Variants in UBE2K observed in about 807,000 individuals in gnomAD.
The protein encoded by UBE2K is ubiquitin conjugating enzyme E2 K.
UBE2K carries 6 observed loss-of-function variants against 30.0 expected under a neutral mutation model. The observed-to-expected ratio is 0.20, with a 90% CI of 0.11 to 0.39. UBE2K has a LOEUF of 0.39. UBE2K is among the 10% of genes least tolerant of loss of function. UBE2K has a pLI of 1.00. For synonymous variants in UBE2K, 86 were observed against 83.7 expected (o/e 1.03, Z -0.15); for missense variants, 61 against 241.6 (o/e 0.25, Z 4.96).
chr4:39,750,404 T>A (rs1022445609), intron 3 of UBE2K, among the ~76,000 whole-genome samples: 1 of 152,072 alleles, frequency 6.6e-6, no homozygotes, highest in Non-Finnish European at 1.5e-5. Context: ...TTAAGAATAG[T>A]TTCCTTCATT....
At chr4:39,711,530 C>A (rs1560341461) in intron 1 of UBE2K, among the ~76,000 whole-genome samples, 1 of 151,840 alleles carries the variant, frequency 6.6e-6, no homozygotes, top group Non-Finnish European at 1.5e-5. Flanking sequence ...ATATTGTATT[C>A]CATGTCAGTT....
chr4:39,765,934 T>TACATACAC (rs1255708077), intron 4 of UBE2K, among the ~76,000 whole-genome samples: 1 of 151,776 alleles, frequency 6.6e-6, no homozygotes, highest in Non-Finnish European at 1.5e-5. Context: ...CATACATACA[T>TACATACAC]ACATACACAC....
chr4:39,725,731 C>T (rs1719719090), intron 1 of UBE2K, among the ~76,000 whole-genome samples: 1 of 152,176 alleles, frequency 6.6e-6, no homozygotes, highest in Non-Finnish European at 1.5e-5. Context: ...CTGTGAGAAC[C>T]TCCTGCGTTC....
Position 39,719,364 on chromosome 4 carries a change from T to G in UBE2K, c.64-18056T>G, listed in dbSNP as rs187173691. Among the ~76,000 whole-genome samples, 30 of 152,346 alleles carry G rather than the reference T, an allele frequency of 2.0e-4. No homozygotes were observed. The East Asian group carries it at 5.2e-3, about 26-fold the overall frequency. ...ACTATTGATAATTGTACATATGTCC[T>G]TCTACTCCTGGTAGATTAAACTCCT... On this transcript the variant is annotated intron_variant, in intron 1 of 6. Coordinates refer to ENST00000261427, the MANE Select transcript of UBE2K (RefSeq NM_005339.5).
chr4:39,714,550 A>ATATT, intron 1 of UBE2K: 180 of 17,824 alleles, frequency 0.01, 6 homozygotes, highest in Middle Eastern at 0.042. Context: ...ATATATATAT[A>ATATT]TTTTTTTTTT....
In UBE2K at chr4:39,778,489, A is replaced by G; in HGVS notation, c.*55A>G. On this transcript the variant is annotated 3_prime_UTR_variant, in exon 7 of 7. Coordinates refer to ENST00000261427, the MANE Select transcript of UBE2K (RefSeq NM_005339.5). ...TTGCCTCTTCTTGAGGAGCACCAAC[A>G]TCTGTTATTTTTAGGATTCTGCATA... 8.5e-7 allele frequency: 1 copy of G among 1,178,650 alleles called. No homozygotes were observed. 73.0% of individuals were successfully genotyped at this position (1,178,650 alleles called of 1,614,324 possible). A position where few individuals can be genotyped will look rare whatever the true frequency, so the allele number is the denominator to read the frequency against.
At chr4:39,702,146 G>A (rs1282779129) in intron 1 of UBE2K, among the ~76,000 whole-genome samples, 3 of 150,308 alleles carry the variant, frequency 2.0e-5, no homozygotes, top group African/African-American at 7.3e-5. Flanking sequence ...GCACTCTCTT[G>A]TTGGTCTTAT....
rs1157052910 is a variant in UBE2K at position 39,758,336 on chromosome 4, C to A, written c.299+2597C>A. ...CATTAGTCTGCCTCCCTGCTTCTGGCTTTTACCTACTCAGGCTATTCCCAG... is the reference window on the plus strand; with the variant it reads ...CATTAGTCTGCCTCCCTGCTTCTGGATTTTACCTACTCAGGCTATTCCCAG... On this transcript the variant is annotated intron_variant, in intron 4 of 6. Transcript: ENST00000261427. Among the ~76,000 whole-genome samples the A allele has an allele frequency of 2.6e-5, 4 of 152,136 alleles. No homozygotes were observed. The East Asian group carries it at 7.7e-4, about 29-fold the overall frequency.
rs983012651 is a variant in UBE2K, at chr4:39,781,248, C to T, written c.*2814C>T. The stretch of plus-strand genomic sequence containing the variant: ...GACTATGATTTACTTAAACACGTAA[C>T]ACATTCAAGGATATATAAATGGAGT... On this transcript the variant is annotated 3_prime_UTR_variant, in exon 7 of 7. Transcript: ENST00000261427. 1.4e-4 allele frequency: 21 copies of T among 152,052 alleles called. No homozygotes were observed. The allele number at this position is 152,052 out of a possible 1,614,324, so 9.4% of individuals were successfully genotyped here.
chr4:39,712,135 T>C (rs1342216503), intron 1 of UBE2K, among the ~76,000 whole-genome samples: 1 of 151,082 alleles, frequency 6.6e-6, no homozygotes, highest in Non-Finnish European at 1.5e-5. Flanking sequence ...CCCCCCCTTT[T>C]TTTTTTGGAG....
Position 39,750,906 on chromosome 4 carries a change from G to A in UBE2K, c.217-4751G>A, listed in dbSNP as rs1457929017. Among the ~76,000 whole-genome samples the A allele has an allele frequency of 2.0e-5, 3 of 151,344 alleles. No homozygotes were observed. The East Asian group carries it at 5.8e-4, about 29-fold the overall frequency. On this transcript the variant is annotated intron_variant, in intron 3 of 6. Coordinates refer to ENST00000261427, the MANE Select transcript of UBE2K (RefSeq NM_005339.5). Reference sequence around the variant, plus strand: ...ACTACAGGCATACCCCACCATGCCTGACTAATTTTTTTGTATTTTGTAGAG... The same window carrying A: ...ACTACAGGCATACCCCACCATGCCTAACTAATTTTTTTGTATTTTGTAGAG...
chr4:39,731,632 G>C (rs1171619942), intron 1 of UBE2K, among the ~76,000 whole-genome samples: 4 of 151,638 alleles, frequency 2.6e-5, no homozygotes, highest in African/African-American at 4.8e-5. Context: ...CAGTGAGCTG[G>C]GCAACACAGC....
In UBE2K at chr4:39,770,705, C is replaced by T. The variant is rs2109403587; in HGVS notation, c.300-4129C>T. 26 of 1,572,158 alleles carry T rather than the reference C, an allele frequency of 1.7e-5. No individual in the cohort carries two copies. In the South Asian group the frequency reaches 2.9e-4, roughly 17 times the overall value. ...TGCTGGGGGGCACGCTGCTCTGGGC[C>T]AGCTCCCCAAGGTGGCCACCCACGG... On this transcript the variant is annotated intron_variant, in intron 4 of 6. Coordinates refer to ENST00000261427, the MANE Select transcript of UBE2K (RefSeq NM_005339.5).
At chr4:39,767,792 T>C (rs577881773) in intron 4 of UBE2K, among the ~76,000 whole-genome samples, 4 of 152,310 alleles carry the variant, frequency 2.6e-5, no homozygotes, top group South Asian at 4.1e-4. Context: ...GTTGCCTTAG[T>C]ATTAAATACT....
chr4:39,745,993 A>G (rs1000176841), intron 3 of UBE2K, among the ~76,000 whole-genome samples, 183 bp downstream of exon 3: 1 of 152,168 alleles, frequency 6.6e-6, no homozygotes, highest in Non-Finnish European at 1.5e-5. Context: ...TAGAATGAAA[A>G]GCAAACTCAC....
chr4:39,770,858 T>A lies in UBE2K; in HGVS notation c.300-3976T>A, dbSNP rs1712758363. 6 of 1,542,260 alleles carry A rather than the reference T, an allele frequency of 3.9e-6. No homozygotes were observed. In the South Asian group the frequency reaches 7.5e-5, roughly 19 times the overall value. ...CCTCATCCTCATCCTCTTCCTCGGC[T>A]TTCAGCTCCAAGTCCTCATCCAGTG... On this transcript the variant is annotated intron_variant, in intron 4 of 6. Transcript: ENST00000261427.
intron 4 of UBE2K, among the ~76,000 whole-genome samples, chr4:39,757,025 G>GTTT (rs1462859142): frequency 7.0e-5 from 5 of 70,936 alleles, no homozygotes; most frequent in African/African-American, 2.6e-4. Context: ...TTTGTTTTTT[G>GTTT]TTTTTTGTTT....
intron 1 of UBE2K, among the ~76,000 whole-genome samples, chr4:39,730,210 A>C (rs1719992572): frequency 1.3e-5 from 2 of 152,102 alleles, no homozygotes; most frequent in Non-Finnish European, 2.9e-5. Context: ...TAAGAGATGG[A>C]GTCTCACTCT....
At chr4:39,738,349 CAAGTT>C (rs1356065387) in intron 2 of UBE2K, among the ~76,000 whole-genome samples, 13 of 152,130 alleles carry the variant, frequency 8.5e-5, no homozygotes, top group African/African-American at 2.7e-4. Flanking sequence ...GATGAAGAAA[CAAGTT>C]AAGAGAAGTA....
Sources: allele counts gnomAD v4.1 joint callset (sites outside exome capture counted in the v4.1 genomes callset), GRCh38; gene constraint gnomAD v4.1.1; transcripts MANE v1.5; gene names NCBI Gene and HGNC (gene_info 2026-07-23, HGNC 2026-07-21).